CD2AP: variants seen among roughly 807,000 people sequenced by gnomAD.
The protein encoded by CD2AP is CD2 associated protein, also known as CD2-associated protein.
Under a neutral mutation model 85.1 loss-of-function variants are expected in CD2AP, and 46 were observed. The ratio of observed to expected loss-of-function variants is 0.54; its 90% confidence interval spans 0.43 to 0.69. The LOEUF is 0.69. Among genes scored for constraint, CD2AP ranks in the 30% least tolerant of loss-of-function variants. The pLI is 0.00. For missense variants in CD2AP, 769 were observed against 729.5 expected (o/e 1.05, Z -0.62); for synonymous variants, 255 against 252.9 (o/e 1.01, Z -0.08).
chr6:47,588,564 A>C (rs956226439), intron 11 of CD2AP, among the ~76,000 whole-genome samples: 1 of 152,180 alleles, frequency 6.6e-6, no homozygotes, highest in Admixed American at 6.6e-5. Context: ...AGGAAGCTGA[A>C]GTGTTTCAAG....
intron 3 of CD2AP, among the ~76,000 whole-genome samples, chr6:47,537,546 A>G (rs1767084535): frequency 6.6e-6 from 1 of 152,086 alleles, no homozygotes; most frequent in Admixed American, 6.6e-5. Flanking sequence ...TGCTGTTAAC[A>G]TTTTCTCACA....
chr6:47,534,271 T>A (rs1167698023), intron 3 of CD2AP, among the ~76,000 whole-genome samples: 1 of 152,192 alleles, frequency 6.6e-6, no homozygotes, highest in East Asian at 1.9e-4. Context: ...TTTGAGTCTG[T>A]CTTATGACCT....
intron 4 of CD2AP, among the ~76,000 whole-genome samples, chr6:47,552,057 G>A (rs1057346364): frequency 3.4e-4 from 51 of 152,212 alleles, no homozygotes; most frequent in Middle Eastern, 3.4e-3. Flanking sequence ...GGTGGGAGGA[G>A]TGTCAAGGTC....
chr6:47,502,976 A>G (rs1460674183), intron 1 of CD2AP, among the ~76,000 whole-genome samples: 1 of 152,186 alleles, frequency 6.6e-6, no homozygotes, highest in Non-Finnish European at 1.5e-5. Context: ...CATGGAGACC[A>G]CCTCAGAGTC....
At chr6:47,544,456 C>T (rs1767313476) in intron 3 of CD2AP, 150 bp from the exon 4 acceptor site, 3 of 603,068 alleles carry the variant, frequency 5.0e-6, no homozygotes, top group Non-Finnish European at 8.7e-6. Flanking sequence ...AAAAGCTAAC[C>T]AGGGCTGATT....
At chr6:47,483,131 T>A (rs1263043843) in intron 1 of CD2AP, among the ~76,000 whole-genome samples, 1 of 152,214 alleles carries the variant, frequency 6.6e-6, no homozygotes, top group African/African-American at 2.4e-5. Context: ...CTGTTACTGC[T>A]TAGTTGTAGC....
chr6:47,587,391 A>G (rs892904139), intron 11 of CD2AP, among the ~76,000 whole-genome samples: 1 of 151,688 alleles, frequency 6.6e-6, no homozygotes, highest in African/African-American at 2.4e-5. Flanking sequence ...CCGTTATTTC[A>G]TGGGATATTT....
intron 12 of CD2AP, among the ~76,000 whole-genome samples, chr6:47,597,171 T>C (rs780772668): frequency 2.7e-5 from 4 of 150,748 alleles, no homozygotes; most frequent in African/African-American, 4.8e-5. Flanking sequence ...ACAAATCCAG[T>C]CAGGGTTGGA....
At chr6:47,621,505 G>A (rs1236848906) in intron 17 of CD2AP, among the ~76,000 whole-genome samples, 2 of 152,016 alleles carry the variant, frequency 1.3e-5, no homozygotes, top group Non-Finnish European at 2.9e-5. Flanking sequence ...TGTAGTTTTC[G>A]TTTTTGGTTA....
chr6:47,559,712 C>T (rs796692065), intron 5 of CD2AP, among the ~76,000 whole-genome samples: 8 of 152,250 alleles, frequency 5.3e-5, no homozygotes, highest in African/African-American at 1.9e-4. Context: ...CTTTATTAAG[C>T]TCCTTGACAC....
At position 47,626,446 on chromosome 6, in the gene CD2AP, A is replaced by G. The variant is rs1769910459; in HGVS notation, c.*2219A>G. On this transcript the variant is annotated 3_prime_UTR_variant, in exon 18 of 18. Transcript: ENST00000359314. ...AATAATAACCTTGGGGTAAATCATGAATTTTTTTTCTACGTGTGAGTATAA... is the reference window on the plus strand; with the variant it reads ...AATAATAACCTTGGGGTAAATCATGGATTTTTTTTCTACGTGTGAGTATAA... 1 of 130,666 alleles carries G rather than the reference A, an allele frequency of 7.7e-6. No individual in the cohort carries two copies. Among genetic ancestry groups the G allele is most frequent in the South Asian group, 2.7e-4 (1 of 3,722 alleles). The allele number at this position is 130,666 out of a possible 1,614,324, so 8.1% of individuals were successfully genotyped here. A position where few individuals can be genotyped will look rare whatever the true frequency, so the allele number is the denominator to read the frequency against.
At chr6:47,555,524 T>G (rs1283212654) in intron 5 of CD2AP, among the ~76,000 whole-genome samples, 1 of 152,226 alleles carries the variant, frequency 6.6e-6, no homozygotes, top group Non-Finnish European at 1.5e-5. Flanking sequence ...GAGTAGATCA[T>G]AACCTTAAGG....
chr6:47,514,309 C>A (rs1001772188), intron 2 of CD2AP, among the ~76,000 whole-genome samples: 1 of 152,020 alleles, frequency 6.6e-6, no homozygotes, highest in African/African-American at 2.4e-5. Flanking sequence ...TATTTTGTAG[C>A]TACAAATCAT....
At chr6:47,514,932 A>G (rs916383153) in intron 2 of CD2AP, among the ~76,000 whole-genome samples, 1 of 152,036 alleles carries the variant, frequency 6.6e-6, no homozygotes, top group African/African-American at 2.4e-5. Context: ...CGCACCTGCA[A>G]TCCCAGCTAC....
intron 11 of CD2AP, among the ~76,000 whole-genome samples, chr6:47,589,398 G>GTATATACACACACATATA (rs1768715541): frequency 3.3e-5 from 1 of 30,206 alleles, no homozygotes; most frequent in Non-Finnish European, 7.0e-5. Flanking sequence ...ACACACAAAT[G>GTATATACACACACATATA]TATATACACA....
chr6:47,612,795 A>T (rs911221799), intron 17 of CD2AP, among the ~76,000 whole-genome samples: 5 of 152,166 alleles, frequency 3.3e-5, no homozygotes, highest in Non-Finnish European at 7.4e-5. Flanking sequence ...TGGGAGCTAA[A>T]AAAAATTGAA....
intron 2 of CD2AP, among the ~76,000 whole-genome samples, chr6:47,525,588 C>A (rs1297822531): frequency 1.3e-5 from 2 of 152,130 alleles, no homozygotes; most frequent in Non-Finnish European, 2.9e-5. Flanking sequence ...GGACATATTA[C>A]AACATGAAGG....
intron 3 of CD2AP, among the ~76,000 whole-genome samples, chr6:47,535,833 A>G (rs1041323062): frequency 6.6e-6 from 1 of 152,204 alleles, no homozygotes; most frequent in African/African-American, 2.4e-5. Flanking sequence ...ACCTCTGTCC[A>G]TAGTAAAATC....
Position 47,503,286 on chromosome 6 carries a change from A to G in CD2AP, c.11A>G (p.Tyr4Cys), listed in dbSNP as rs767423641. The change falls in exon 2 of 18, where the codon TAT becomes TGT. Residue 4 changes from tyrosine to cysteine, a missense_variant. By Grantham distance (194) the Tyr-to-Cys change is radical. Transcript: ENST00000359314. MVD[Y>C]IVEYDYDAVH... is the part of the protein sequence containing the mutation. ...TTTTTTCCCCCTTTTTTAGTTGACT[A>G]TATTGTGGAGTATGACTATGATGCT... The G allele has an allele frequency of 6.2e-6, 10 of 1,613,336 alleles. No homozygotes were observed. Among genetic ancestry groups the G allele is most frequent in the Admixed American group, 3.3e-5 (2 of 59,986 alleles).
Sources: gnomAD v4.1 joint callset for allele counts (sites outside exome capture counted in the v4.1 genomes callset) on GRCh38, gnomAD v4.1.1 for gene constraint, MANE v1.5 for transcripts, NCBI Gene and HGNC (gene_info 2026-07-23, HGNC 2026-07-21) for gene names.